Variants in RAPGEF1 observed in about 807,000 individuals in gnomAD.
The protein encoded by RAPGEF1 is Rap guanine nucleotide exchange factor 1, also known as CRK SH3-binding GNRP.
In RAPGEF1, 33 loss-of-function variants were observed where a neutral mutation model predicts 143.3. That is an observed-to-expected ratio of 0.23 (90% CI 0.17 to 0.31). RAPGEF1 has a LOEUF of 0.31. RAPGEF1 is among the 10% of genes least tolerant of loss of function. The pLI, the probability that RAPGEF1 is intolerant of heterozygous loss-of-function variation, is 1.00. For synonymous variants in RAPGEF1, 629 were observed against 676.5 expected (o/e 0.93, Z 1.09); for missense variants, 1,199 against 1,645.4 (o/e 0.73, Z 4.69).
At chr9:131,668,363 T>A (rs1021375031) in intron 1 of RAPGEF1, among the ~76,000 whole-genome samples, 4 of 152,364 alleles carry the variant, frequency 2.6e-5, no homozygotes, top group African/African-American at 9.6e-5. Flanking sequence ...TTTAGATTTT[T>A]AAAAAACTTA....
intron 1 of RAPGEF1, among the ~76,000 whole-genome samples, chr9:131,700,018 GCCCCAATCATCC>G (rs1260055382): frequency 6.6e-6 from 1 of 152,090 alleles, no homozygotes; most frequent in Non-Finnish European, 1.5e-5. Context: ...TACCCACACA[GCCCCAATCATCC>G]CCCACAATCT....
intron 9 of RAPGEF1, among the ~76,000 whole-genome samples, chr9:131,627,639 GTCAAATTAC>G (rs1963647321): frequency 6.6e-6 from 1 of 152,214 alleles, no homozygotes; most frequent in Non-Finnish European, 1.5e-5. Context: ...GGTAAAGAGA[GTCAAATTAC>G]TCACTGACAG....
intron 19 of RAPGEF1, among the ~76,000 whole-genome samples, chr9:131,589,463 T>C (rs891277257): frequency 6.6e-6 from 1 of 152,252 alleles, no homozygotes; most frequent in Non-Finnish European, 1.5e-5. Context: ...GATGGAGATT[T>C]GTTAGCGGAA....
At chr9:131,737,261 G>T in intron 1 of RAPGEF1, 3 of 1,350,294 alleles carry the variant, frequency 2.2e-6, no homozygotes, top group South Asian at 1.2e-5. Flanking sequence ...ACTTTCCGCA[G>T]CTCCTGGTCA....
chr9:131,649,178 G>A (rs1015695740), intron 3 of RAPGEF1, among the ~76,000 whole-genome samples: 3 of 148,232 alleles, frequency 2.0e-5, no homozygotes, highest in Admixed American at 1.3e-4. Flanking sequence ...GATTACAGGC[G>A]CCTGCCACTA....
intron 1 of RAPGEF1, among the ~76,000 whole-genome samples, chr9:131,737,154 T>C (rs984445361): frequency 6.6e-6 from 1 of 152,192 alleles, no homozygotes; most frequent in African/African-American, 2.4e-5. Context: ...GCTCCACATC[T>C]GCAATCCCCA....
chr9:131,635,590 G>A (rs992977373), intron 5 of RAPGEF1, among the ~76,000 whole-genome samples: 2 of 152,190 alleles, frequency 1.3e-5, no homozygotes, highest in African/African-American at 2.4e-5. Flanking sequence ...GCTCTCTCAC[G>A]CCACCAGGGC....
chr9:131,738,296 C>G (rs554970955), intron 1 of RAPGEF1, among the ~76,000 whole-genome samples: 1 of 151,892 alleles, frequency 6.6e-6, no homozygotes, highest in East Asian at 1.9e-4. Context: ...AGTGAATGTT[C>G]TTTTTAAAAT....
chr9:131,650,790 A>G lies in RAPGEF1; in HGVS notation c.201+20T>C. On this transcript the variant is annotated intron_variant, in intron 2 of 26. Transcript: ENST00000683357. The surrounding 1 kb of genome is among the most constrained non-coding windows in gnomAD (Gnocchi z 4.7). ...GCTGGAAGCAGGTGAGGCCAGGAGA[A>G]ACATCCAGAGTCAGCTTACTTTGTT... 1 of 1,612,124 alleles carries G rather than the reference A, an allele frequency of 6.2e-7. No homozygotes were observed. The highest frequency in any genetic ancestry group is 1.1e-5 in the South Asian group (1 of 90,868).
intron 5 of RAPGEF1, among the ~76,000 whole-genome samples, chr9:131,630,964 G>T (rs1345435306): frequency 6.6e-6 from 1 of 151,088 alleles, no homozygotes. Flanking sequence ...TTTTAAATTA[G>T]AATGCATTTT....
At chr9:131,722,425 T>A (rs553761170) in intron 1 of RAPGEF1, among the ~76,000 whole-genome samples, 2 of 152,048 alleles carry the variant, frequency 1.3e-5, no homozygotes, top group East Asian at 3.9e-4. Context: ...TCAGAGAGAG[T>A]AAGTGCTGCT....
At chr9:131,671,922 T>C (rs548725047) in intron 1 of RAPGEF1, among the ~76,000 whole-genome samples, 2 of 152,346 alleles carry the variant, frequency 1.3e-5, no homozygotes, top group East Asian at 3.9e-4. Flanking sequence ...TCAGAGGCCA[T>C]GCATGTATTA....
At position 131,621,799 on chromosome 9, in the gene RAPGEF1, C is replaced by A. The variant is rs1324238144; in HGVS notation, c.1902G>T (p.Gln634His). 1 of 1,602,962 alleles carries A rather than the reference C, an allele frequency of 6.2e-7. No individual in the cohort carries two copies. The highest frequency in any genetic ancestry group is 1.7e-5 in the Admixed American group (1 of 58,052). The change falls in exon 11 of 27, where the codon CAG (glutamine) becomes CAT (histidine). Residue 634 changes from glutamine to histidine, a missense_variant. Transcript: ENST00000683357. The surrounding 1 kb of genome is among the most constrained non-coding windows in gnomAD (Gnocchi z 4.5). ...PPPALPPKQR[Q>H]LASCAASSFS... ...CACAAGGGAAGGTGTCACTCACCAGCTGCCGCTGCTTGGGGGGTAGGGCGG... is the reference window on the plus strand; with the variant it reads ...CACAAGGGAAGGTGTCACTCACCAGATGCCGCTGCTTGGGGGGTAGGGCGG...
intron 1 of RAPGEF1, among the ~76,000 whole-genome samples, chr9:131,702,488 C>T (rs751370051): frequency 7.2e-5 from 11 of 152,174 alleles, no homozygotes; most frequent in Non-Finnish European, 1.2e-4. Context: ...CTCTGAGTCC[C>T]GTGCCATCAG....
At chr9:131,616,456 GA>G (rs1222159924) in intron 12 of RAPGEF1, among the ~76,000 whole-genome samples, 5 of 152,166 alleles carry the variant, frequency 3.3e-5, no homozygotes, top group Non-Finnish European at 5.9e-5. Context: ...TGGAAAAGTT[GA>G]TGTCCTGAGC....
At chr9:131,718,836 C>T (rs1004225935) in intron 1 of RAPGEF1, among the ~76,000 whole-genome samples, 2 of 152,096 alleles carry the variant, frequency 1.3e-5, no homozygotes, top group African/African-American at 2.4e-5. Flanking sequence ...CTTAGTGCCA[C>T]GGGACTAGGC....
At chr9:131,694,758 T>TG (rs35285782) in intron 1 of RAPGEF1, among the ~76,000 whole-genome samples, 5,386 of 151,474 alleles carry the variant, frequency 0.036, 213 homozygotes, top group East Asian at 0.088. Flanking sequence ...TGATGCCCCC[T>TG]TATCCTCCTT....
rs753339286 is a variant in RAPGEF1, at chr9:131,605,036, G to A, written c.2214C>T (p.Ala738=). Residue 738 remains alanine, a synonymous_variant, in exon 13 of 27, where the codon GCC becomes GCT. Transcript: ENST00000683357. ...QSSDLAVPTM[A]GPPPSTVDGP... is the part of the protein sequence containing the mutation. ...CGTCCACGGTGCTGGGAGGTGGACC[G>A]GCCATGGTTGGCACGGCTAAGTCAG... 36 of 1,363,756 alleles carry A rather than the reference G, an allele frequency of 2.6e-5. No homozygotes were observed. The highest frequency in any genetic ancestry group is 3.8e-5 in the Admixed American group (2 of 52,156). The allele number at this position is 1,363,756 out of a possible 1,614,324, so 84.5% of individuals were successfully genotyped here. A position where few individuals can be genotyped will look rare whatever the true frequency, so the allele number is the denominator to read the frequency against.
intron 3 of RAPGEF1, among the ~76,000 whole-genome samples, chr9:131,649,001 G>T (rs1970398807): frequency 6.6e-6 from 1 of 151,918 alleles, no homozygotes; most frequent in South Asian, 2.1e-4. Flanking sequence ...TGTCTACAAG[G>T]TTTATTTTAT....
Sources: gnomAD v4.1 joint callset for allele counts (sites outside exome capture counted in the v4.1 genomes callset) on GRCh38, gnomAD v4.1.1 for gene constraint, Gnocchi (gnomAD v3.1) non-coding constraint, MANE v1.5 for transcripts, NCBI Gene and HGNC (gene_info 2026-07-23, HGNC 2026-07-21) for gene names.